The following TRAPPC8 variants were observed in gnomAD, a reference collection of about 807,000 sequenced individuals.
TRAPPC8 encodes the protein general sporulation gene 1 homolog.
Under a neutral mutation model 174.3 loss-of-function variants are expected in TRAPPC8, and 54 were observed. The ratio of observed to expected loss-of-function variants is 0.31; its 90% CI spans 0.25 to 0.39. The LOEUF (loss-of-function observed/expected upper bound fraction) is 0.39. Ranked by LOEUF, TRAPPC8 falls within the 10% of genes least tolerant of loss-of-function variation. The probability of loss-of-function intolerance (pLI) is 1.00; values close to 1 mark genes in which losing one functional copy is unlikely to be tolerated. For missense variants in TRAPPC8, 1,531 were observed against 1,699.1 expected (o/e 0.90, Z 1.74); for synonymous variants, 630 against 579.9 (o/e 1.09, Z -1.24).
chr18:31,852,548 A>G (rs2033767277), intron 23 of TRAPPC8, 44 bp from the exon 24 acceptor site: 1 of 1,613,792 alleles, frequency 6.2e-7, no homozygotes, highest in Non-Finnish European at 8.5e-7. Flanking sequence ...ATTGGCATAA[A>G]ATATAAAATG....
Position 31,861,935 on chromosome 18 carries a change from A to AGG in TRAPPC8, c.2745+2691_2745+2692insCC, listed in dbSNP as rs1478982235. ...GCGATCCCGTCTCCAGAAAAAAAAA[A>AGG]AGGGGGGGGGGGGCGGTGGGGGAGG... On this transcript the variant is annotated intron_variant, in intron 19 of 28. Coordinates refer to ENST00000283351, the MANE Select transcript of TRAPPC8 (RefSeq NM_014939.5). 9.3e-3 allele frequency among the ~76,000 whole-genome samples: 428 copies of AGG among 46,026 alleles called. 8 individuals carry two copies. Among genetic ancestry groups the AGG allele is most frequent in the South Asian group, 0.024 (14 of 582 alleles). 30.2% of individuals were successfully genotyped at this position (46,026 alleles called of 152,430 possible). A position where few individuals can be genotyped will look rare whatever the true frequency, so the allele number is the denominator to read the frequency against.
At chr18:31,861,623 T>C (rs984622779) in intron 19 of TRAPPC8, among the ~76,000 whole-genome samples, 8 of 152,140 alleles carry the variant, frequency 5.3e-5, no homozygotes, top group Admixed American at 5.2e-4. Context: ...CTGAAGAATA[T>C]TTAAATGATA....
At chr18:31,850,172 G>C (rs2033635462) in intron 24 of TRAPPC8, among the ~76,000 whole-genome samples, 2 of 151,980 alleles carry the variant, frequency 1.3e-5, no homozygotes, top group Admixed American at 1.3e-4. Flanking sequence ...GGGTGGTCTT[G>C]AACTACTGAG....
intron 2 of TRAPPC8, among the ~76,000 whole-genome samples, chr18:31,925,195 G>C (rs2145592968): frequency 6.6e-6 from 1 of 151,552 alleles, no homozygotes; most frequent in Non-Finnish European, 1.5e-5. Context: ...TTTGAGGTAA[G>C]TGTCCAACAT....
intron 2 of TRAPPC8, among the ~76,000 whole-genome samples, chr18:31,920,872 CAG>C (rs1240995496): frequency 6.9e-6 from 1 of 143,984 alleles, no homozygotes; most frequent in Non-Finnish European, 1.5e-5. Flanking sequence ...ACCAAGGAGA[CAG>C]AGGTTGCAGT....
intron 20 of TRAPPC8, 77 bp downstream of exon 20, chr18:31,857,463 A>G (rs986518188): frequency 6.8e-6 from 8 of 1,177,906 alleles, no homozygotes; most frequent in Admixed American, 5.5e-5. Context: ...ATGTTAGTAA[A>G]TATCAAAATG....
At chr18:31,915,387 G>A (rs1352320692) in intron 4 of TRAPPC8, among the ~76,000 whole-genome samples, 1 of 149,200 alleles carries the variant, frequency 6.7e-6, no homozygotes, top group East Asian at 2.0e-4. Flanking sequence ...CTGGAACTCA[G>A]GAAGCACAGA....
chr18:31,888,084 T>G (rs1466100509), intron 12 of TRAPPC8, among the ~76,000 whole-genome samples: 1 of 151,964 alleles, frequency 6.6e-6, no homozygotes, highest in Admixed American at 6.6e-5. Context: ...AACCAAAAAG[T>G]AGGCAAAGAA....
At chr18:31,934,722 C>A (rs1361959039) in intron 1 of TRAPPC8, among the ~76,000 whole-genome samples, 3 of 151,690 alleles carry the variant, frequency 2.0e-5, no homozygotes, top group Non-Finnish European at 1.5e-5. Flanking sequence ...ACAAAATTAG[C>A]CGGGCATGGT....
intron 9 of TRAPPC8, among the ~76,000 whole-genome samples, chr18:31,902,059 A>G (rs1390426087): frequency 6.6e-6 from 1 of 152,228 alleles, no homozygotes; most frequent in East Asian, 1.9e-4. Flanking sequence ...GCATGCCTGT[A>G]ATCCCAGCAC....
rs570498649 is a variant in TRAPPC8 at position 31,877,979 on chromosome 18, G to A, written c.1729-3275C>T. 2.1e-3 allele frequency among the ~76,000 whole-genome samples: 322 copies of A among 150,818 alleles called. 1 individual carries two copies. The highest frequency in any genetic ancestry group is 7.0e-3 in the African/African-American group (289 of 41,076). On this transcript the variant is annotated intron_variant, in intron 12 of 28. Coordinates refer to ENST00000283351, the MANE Select transcript of TRAPPC8 (RefSeq NM_014939.5). ...CCAACTGGGCTTGCAGGAAGGGCAAGGCCCAATTCCCCCTCCCTACAGAGA... is the reference window on the plus strand; with the variant it reads ...CCAACTGGGCTTGCAGGAAGGGCAAAGCCCAATTCCCCCTCCCTACAGAGA...
chr18:31,934,941 C>A lies in TRAPPC8; in HGVS notation c.158-3418G>T, dbSNP rs7239208. Among the ~76,000 whole-genome samples the A allele has an allele frequency of 5.7e-3, 726 of 127,354 alleles. 5 individuals carry two copies. The highest frequency in any genetic ancestry group is 0.02 in the African/African-American group (696 of 35,418). 83.5% of individuals were successfully genotyped at this position (127,354 alleles called of 152,430 possible). A position where few individuals can be genotyped will look rare whatever the true frequency, so the allele number is the denominator to read the frequency against. Reference sequence around the variant, plus strand: ...CAGCCTGCTGGGCAACAGAGAGAGGCTCCGTCTCATAAATAAATAAATAAA... The same window carrying A: ...CAGCCTGCTGGGCAACAGAGAGAGGATCCGTCTCATAAATAAATAAATAAA... On this transcript the variant is annotated intron_variant, in intron 1 of 28. Transcript: ENST00000283351.
chr18:31,880,064 ATTT>A (rs1397549674), intron 12 of TRAPPC8, among the ~76,000 whole-genome samples: 1 of 131,834 alleles, frequency 7.6e-6, no homozygotes, highest in Non-Finnish European at 1.6e-5. Context: ...GCTGGTACCA[ATTT>A]TACTGAAACT....
chr18:31,850,458 A>G (rs1465031108), intron 24 of TRAPPC8, among the ~76,000 whole-genome samples: 2 of 152,242 alleles, frequency 1.3e-5, no homozygotes, highest in African/African-American at 4.8e-5. Flanking sequence ...GAATGCAAAT[A>G]GAATTATTAG....
chr18:31,940,709 G>A (rs545315316), intron 1 of TRAPPC8, among the ~76,000 whole-genome samples: 6 of 152,070 alleles, frequency 3.9e-5, no homozygotes, highest in African/African-American at 1.4e-4. Context: ...ATGTTGGCCA[G>A]GATGGTCTCG....
intron 1 of TRAPPC8, among the ~76,000 whole-genome samples, chr18:31,936,390 G>C (rs2038099428): frequency 6.6e-6 from 1 of 152,098 alleles, no homozygotes; most frequent in Admixed American, 6.6e-5. Context: ...CTTGAGCCCA[G>C]GAGGTCGAGG....
In TRAPPC8 at chr18:31,897,897, GA is replaced by G. The variant is rs767803589; in HGVS notation, c.1491-7del. The G allele has an allele frequency of 1.9e-6, 3 of 1,605,090 alleles. No individual in the cohort carries two copies. The highest frequency in any genetic ancestry group is 1.7e-5 in the Admixed American group (1 of 58,530). ...TTTCAGCCAACACCATATTCCTATA[GA>G]AAAAAGGACAAGAAGATAAAATAGC... On this transcript the variant is annotated splice_polypyrimidine_tract_variant and splice_region_variant and intron_variant, in intron 10 of 28. Coordinates refer to ENST00000283351, the MANE Select transcript of TRAPPC8 (RefSeq NM_014939.5).
At position 31,900,934 on chromosome 18, in the gene TRAPPC8, T is replaced by C. The variant is rs2036394785; in HGVS notation, c.1481A>G (p.Asp494Gly). Reference protein sequence around the residue: ...YMDTAIQTYRDICKNMVLAER... With the variant: ...YMDTAIQTYRGICKNMVLAER... ...TTATATAGTCACCTACTTGCAGATA[T>C]CTCTGTATGTCTGAATTGCTGTATC... The change falls in exon 10 of 29, where the codon GAT becomes GGT. Residue 494 changes from aspartate to glycine, a missense_variant. Asp to Gly is a moderately conservative substitution (Grantham distance 94). Transcript: ENST00000283351. 5 of 1,589,622 alleles carry C rather than the reference T, an allele frequency of 3.1e-6. No individual in the cohort carries two copies. Among genetic ancestry groups the C allele is most frequent in the Non-Finnish European group, 4.3e-6 (5 of 1,173,128 alleles).
intron 12 of TRAPPC8, among the ~76,000 whole-genome samples, chr18:31,877,311 T>C (rs1272238506): frequency 6.6e-6 from 1 of 152,084 alleles, no homozygotes; most frequent in African/African-American, 2.4e-5. Context: ...GGTGGCTCCA[T>C]CACAGCTAAA....
Sources: gnomAD v4.1 joint callset for allele counts (sites outside exome capture counted in the v4.1 genomes callset) on GRCh38, gnomAD v4.1.1 for gene constraint, MANE v1.5 for transcripts, NCBI Gene and HGNC (gene_info 2026-07-23, HGNC 2026-07-21) for gene names.